Variants in C16orf87 observed in about 807,000 individuals in gnomAD.
C16orf87 encodes the protein HDAC and MIER1 interacting protein 1, also known as UPF0547 protein C16orf87.
Under a neutral mutation model 21.0 loss-of-function variants are expected in C16orf87, and 13 were observed. The observed-to-expected ratio is 0.62, with a 90% confidence interval of 0.40 to 0.98. C16orf87 has a LOEUF of 0.98. C16orf87 is among the 50% of genes least tolerant of loss of function. C16orf87 has a pLI of 0.00. For missense variants in C16orf87, 113 were observed against 180.4 expected, an observed-to-expected ratio of 0.63 and a Z score of 2.14; for synonymous variants, 49 against 60.2, an observed-to-expected ratio of 0.81 and a Z score of 0.86.
intron 2 of C16orf87, among the ~76,000 whole-genome samples, chr16:46,811,515 AAAGAG>A (rs1216080394): frequency 3.3e-5 from 5 of 152,056 alleles, no homozygotes; most frequent in Non-Finnish European, 7.4e-5. Flanking sequence ...AAAAAAAAAA[AAAGAG>A]AGAGAGAAGC....
chr16:46,830,297 A>AGG, intron 1 of C16orf87, among the ~76,000 whole-genome samples: 1 of 147,052 alleles, frequency 6.8e-6, no homozygotes, highest in Non-Finnish European at 1.5e-5. Context: ...AGAGAGAGAG[A>AGG]GAGAGAGAGA....
chr16:46,805,143 T>C (rs1176192066), intron 3 of C16orf87, among the ~76,000 whole-genome samples: 3 of 152,164 alleles, frequency 2.0e-5, no homozygotes, highest in Non-Finnish European at 4.4e-5. Flanking sequence ...GTCCTTCAGG[T>C]TGGAAAAATT....
chr16:46,807,934 G>A (rs1333452465), intron 3 of C16orf87: 1 of 432,876 alleles, frequency 2.3e-6, no homozygotes, highest in Middle Eastern at 3.4e-4. Flanking sequence ...AGCTAAAGAT[G>A]GTCATTATCT....
chr16:46,816,487 T>C (rs1968244361), intron 2 of C16orf87, among the ~76,000 whole-genome samples: 1 of 152,130 alleles, frequency 6.6e-6, no homozygotes, highest in Admixed American at 6.5e-5. Context: ...ATAAGCTAAA[T>C]TTGACACGCT....
At chr16:46,816,873 T>G (rs1321329330) in intron 2 of C16orf87, among the ~76,000 whole-genome samples, 1 of 152,152 alleles carries the variant, frequency 6.6e-6, no homozygotes, top group East Asian at 1.9e-4. Flanking sequence ...TCTCTGCTCT[T>G]CCCTCTTCTT....
At chr16:46,818,930 T>G (rs115290731) in intron 2 of C16orf87, among the ~76,000 whole-genome samples, 9 of 152,278 alleles carry the variant, frequency 5.9e-5, no homozygotes, top group Non-Finnish European at 1.3e-4. Flanking sequence ...TCATAGGGCA[T>G]AGGCCAGGTA....
chr16:46,810,504 C>T (rs761114333), intron 2 of C16orf87, among the ~76,000 whole-genome samples: 4 of 151,920 alleles, frequency 2.6e-5, no homozygotes. Flanking sequence ...AAAGATGATA[C>T]CTTGCTTTAA....
intron 1 of C16orf87, 68 bp downstream of exon 1, chr16:46,831,016 C>G: frequency 7.7e-7 from 1 of 1,303,980 alleles, no homozygotes; most frequent in Non-Finnish European, 1.1e-6. Context: ...CCCGGCGAGG[C>G]CCCCCTCCAC....
At chr16:46,827,480 A>G (rs1332224186) in intron 1 of C16orf87, among the ~76,000 whole-genome samples, 1 of 152,242 alleles carries the variant, frequency 6.6e-6, no homozygotes, top group Non-Finnish European at 1.5e-5. Flanking sequence ...AAAATATTCA[A>G]AGTATTGTTT....
intron 1 of C16orf87, among the ~76,000 whole-genome samples, chr16:46,824,869 T>C (rs1959555623): frequency 6.6e-6 from 1 of 152,034 alleles, no homozygotes; most frequent in Non-Finnish European, 1.5e-5. Flanking sequence ...TTTTACTATA[T>C]TGGCCAGGTT....
At chr16:46,820,934 T>C (rs1596822158) in intron 2 of C16orf87, among the ~76,000 whole-genome samples, 2 of 152,352 alleles carry the variant, frequency 1.3e-5, no homozygotes, top group South Asian at 4.1e-4. Flanking sequence ...TCCCTGATAA[T>C]TAGTGAAGTT....
chr16:46,809,105 C>T (rs1968007867), intron 3 of C16orf87, among the ~76,000 whole-genome samples: 1 of 151,508 alleles, frequency 6.6e-6, no homozygotes, highest in South Asian at 2.1e-4. Flanking sequence ...CAAGACTAGC[C>T]TGGGCAACAT....
intron 3 of C16orf87, 51 bp from the exon 4 acceptor site, chr16:46,803,121 A>T: frequency 1.2e-6 from 1 of 846,974 alleles, no homozygotes; most frequent in Non-Finnish European, 1.9e-6. Flanking sequence ...GATGCAGTAA[A>T]TTTAAATTTT....
Position 46,831,140 on chromosome 16 carries a change from T to G in C16orf87, c.10A>C (p.Thr4Pro). The G allele has an allele frequency of 6.4e-7, 1 of 1,574,596 alleles. No homozygotes were observed. The highest frequency in any genetic ancestry group is 8.6e-7 in the Non-Finnish European group (1 of 1,158,680). Residue 4 changes from threonine (T) to proline (P), a missense_variant, in exon 1 of 4, where the codon ACT (threonine) becomes CCT (proline). By Grantham distance (38) the Thr-to-Pro change is conservative. Transcript: ENST00000285697. MSA[T>P]RAKKVKMATK... is the part of the protein sequence containing the mutation. ...GCCATCTTCACTTTCTTGGCTCGAGTTGCAGACATGCTCCTCTCCCTTAGC... is the reference window on the plus strand; with the variant it reads ...GCCATCTTCACTTTCTTGGCTCGAGGTGCAGACATGCTCCTCTCCCTTAGC...
Position 46,809,598 on chromosome 16 carries a change from C to A in C16orf87, c.346+5G>T. The A allele has an allele frequency of 1.3e-6, 2 of 1,592,458 alleles. No homozygotes were observed. The highest frequency in any genetic ancestry group is 2.3e-5 in the South Asian group (2 of 88,312). ...TGAAAAAAAAACTGCTTGATTTGTT[C>A]ATACCTCTTTCTTCCTCATGTTTTT... On this transcript the variant is annotated splice_donor_5th_base_variant and intron_variant, in intron 3 of 3. Coordinates refer to ENST00000285697, the MANE Select transcript of C16orf87 (RefSeq NM_001001436.4).
At position 46,797,475 on chromosome 16, in the gene C16orf87, G is replaced by A. The variant is rs975001931; in HGVS notation, c.*5477C>T. On this transcript the variant is annotated 3_prime_UTR_variant, in exon 4 of 4. Coordinates refer to ENST00000285697, the MANE Select transcript of C16orf87 (RefSeq NM_001001436.4). The stretch of plus-strand genomic sequence containing the variant: ...TAATCCTCCCACTTCAGCCTCCTGA[G>A]TAGCTGGGACTACAGGAACATGCTA... The A allele has an allele frequency of 2.0e-5, 3 of 152,484 alleles. No individual in the cohort carries two copies. The highest frequency in any genetic ancestry group is 7.2e-5 in the African/African-American group (3 of 41,438). The allele number at this position is 152,484 out of a possible 1,614,324, so 9.4% of individuals were successfully genotyped here.
At chr16:46,824,943 A>G (rs1959558460) in intron 1 of C16orf87, among the ~76,000 whole-genome samples, 3 of 152,130 alleles carry the variant, frequency 2.0e-5, no homozygotes, top group African/African-American at 7.2e-5. Context: ...GGATAACAGA[A>G]GTGAGCCACC....
rs1166100787 is a variant in C16orf87 at position 46,802,708 on chromosome 16, T to C, written c.*244A>G. 2 of 304,274 alleles carry C rather than the reference T, an allele frequency of 6.6e-6. No homozygotes were observed. Among genetic ancestry groups the C allele is most frequent in the Non-Finnish European group, 1.2e-5 (2 of 166,982 alleles). 18.8% of individuals were successfully genotyped at this position (304,274 alleles called of 1,614,324 possible). A position where few individuals can be genotyped will look rare whatever the true frequency, so the allele number is the denominator to read the frequency against. On this transcript the variant is annotated 3_prime_UTR_variant, in exon 4 of 4. Coordinates refer to ENST00000285697, the MANE Select transcript of C16orf87 (RefSeq NM_001001436.4). ...TTGGTTTTTTTTTGTTGTTGGCAAA[T>C]ACACTTACTTATATCCCAAACACAA...
chr16:46,819,783 T>C (rs1246781571), intron 2 of C16orf87, among the ~76,000 whole-genome samples: 2 of 151,774 alleles, frequency 1.3e-5, no homozygotes, highest in African/African-American at 4.8e-5. Flanking sequence ...GAGACCAGCC[T>C]GACCAACATG....
Sources: gnomAD v4.1 joint callset for allele counts (sites outside exome capture counted in the v4.1 genomes callset) on GRCh38, gnomAD v4.1.1 for gene constraint, MANE v1.5 for transcripts, NCBI Gene and HGNC (gene_info 2026-07-23, HGNC 2026-07-21) for gene names.